FAM135A: variants seen among roughly 807,000 people sequenced by gnomAD.
The protein encoded by FAM135A is family with sequence similarity 135 member A.
FAM135A carries 79 observed loss-of-function variants against 146.8 expected under a neutral mutation model. That is an observed-to-expected ratio of 0.54 (90% confidence interval 0.45 to 0.65). The LOEUF (loss-of-function observed/expected upper bound fraction) is 0.65. FAM135A is among the 30% of genes least tolerant of loss of function. FAM135A has a pLI of 0.00. For missense variants in FAM135A, 1,623 were observed against 1,758.2 expected, an observed-to-expected ratio of 0.92 and a Z score of 1.38; for synonymous variants, 562 against 603.6, an observed-to-expected ratio of 0.93 and a Z score of 1.01.
chr6:70,434,618 T>C (rs1772529314), intron 4 of FAM135A, among the ~76,000 whole-genome samples: 1 of 152,228 alleles, frequency 6.6e-6, no homozygotes, highest in Non-Finnish European at 1.5e-5. Flanking sequence ...ATATTTGAAG[T>C]AGTACAGCTT....
rs771933243 is a variant in FAM135A at position 70,428,386 on chromosome 6, A to T, written c.44A>T (p.Asn15Ile). ...QAMVEFSVEL[N>I]KFYNVDLFQR... ...ATGGTAGAATTCTCTGTGGAGCTAA[A>T]CAAGTTCTACAATGTGGATTTGTTT... is the stretch of plus-strand genomic sequence containing the variant. The change falls in exon 4 of 22, where the codon AAC becomes ATC. Residue 15 changes from asparagine (N) to isoleucine (I), a missense_variant. Physicochemically the swap from Asn to Ile is moderately radical, Grantham distance 149. Transcript: ENST00000418814. The T allele has an allele frequency of 6.2e-7, 1 of 1,604,528 alleles. No homozygotes were observed. The highest frequency in any genetic ancestry group is 8.5e-7 in the Non-Finnish European group (1 of 1,175,720).
At chr6:70,505,873 G>A (rs1056914245) in intron 12 of FAM135A, among the ~76,000 whole-genome samples, 4 of 151,988 alleles carry the variant, frequency 2.6e-5, no homozygotes, top group African/African-American at 9.7e-5. Context: ...ATCAAATACT[G>A]TTGTTTTATA....
chr6:70,487,880 G>A (rs1003629778), intron 10 of FAM135A, among the ~76,000 whole-genome samples: 8 of 152,138 alleles, frequency 5.3e-5, no homozygotes, highest in Non-Finnish European at 1.5e-5. Context: ...GATCTTGGTT[G>A]AGTAGAAAAA....
intron 20 of FAM135A, among the ~76,000 whole-genome samples, chr6:70,556,470 C>T (rs905658524): frequency 1.3e-5 from 2 of 151,972 alleles, no homozygotes; most frequent in Non-Finnish European, 2.9e-5. Flanking sequence ...AACATTAGTC[C>T]ACATATTCTG....
chr6:70,538,427 A>G, intron 20 of FAM135A, 26 bp downstream of exon 20: 1 of 1,280,188 alleles, frequency 7.8e-7, no homozygotes, highest in South Asian at 2.2e-5. Context: ...CAGTTTGGAA[A>G]ATATACATGT....
chr6:70,519,693 A>G (rs761057060), intron 12 of FAM135A, among the ~76,000 whole-genome samples: 5 of 152,240 alleles, frequency 3.3e-5, no homozygotes, highest in African/African-American at 4.8e-5. Flanking sequence ...TTTTTAAAGT[A>G]TACACATTGG....
intron 10 of FAM135A, among the ~76,000 whole-genome samples, chr6:70,487,354 T>C (rs1215427416): frequency 6.6e-6 from 1 of 152,120 alleles, no homozygotes; most frequent in African/African-American, 2.4e-5. Context: ...TAATTTATTA[T>C]CTATGAGTAT....
chr6:70,434,686 G>A (rs1199202533), intron 4 of FAM135A, among the ~76,000 whole-genome samples: 2 of 152,140 alleles, frequency 1.3e-5, no homozygotes, highest in African/African-American at 4.8e-5. Flanking sequence ...TTGAAAAGCG[G>A]CAAATATTTA....
rs1199054275 is a variant in FAM135A at position 70,477,107 on chromosome 6, T to C, written c.369-52T>C. On this transcript the variant is annotated intron_variant, in intron 7 of 21. Coordinates refer to ENST00000418814, the MANE Select transcript of FAM135A (RefSeq NM_001162529.3). ...ATAGTTTCAACTACTTTATAATATATTGGCGTTTACTAAATGTTTCATACT... is the reference window on the plus strand; with the variant it reads ...ATAGTTTCAACTACTTTATAATATACTGGCGTTTACTAAATGTTTCATACT... 7.2e-6 allele frequency: 11 copies of C among 1,526,880 alleles called. 1 individual carries two copies. The Admixed American group carries it at 2.0e-4, about 28-fold the overall frequency. 94.6% of individuals were successfully genotyped at this position (1,526,880 alleles called of 1,614,324 possible).
At position 70,477,143 on chromosome 6, in the gene FAM135A, G is replaced by A; in HGVS notation, c.369-16G>A. The A allele has an allele frequency of 2.5e-6, 4 of 1,608,214 alleles. No homozygotes were observed. Among genetic ancestry groups the A allele is most frequent in the Non-Finnish European group, 3.4e-6 (4 of 1,177,090 alleles). ...TAAATGTTTCATACTTACATGCTAA[G>A]TGTTCCTTTTTACAGGGCAGATGAT... On this transcript the variant is annotated splice_polypyrimidine_tract_variant and intron_variant, in intron 7 of 21. Transcript: ENST00000418814.
chr6:70,460,865 A>G (rs954284715), intron 5 of FAM135A, among the ~76,000 whole-genome samples: 9 of 135,320 alleles, frequency 6.7e-5, no homozygotes, highest in Admixed American at 4.6e-4. Flanking sequence ...TTTTTTTTTT[A>G]AGTAGACTCT....
At chr6:70,527,534 T>G (rs1794996924) in intron 15 of FAM135A, among the ~76,000 whole-genome samples, 1 of 152,156 alleles carries the variant, frequency 6.6e-6, no homozygotes, top group South Asian at 2.1e-4. Flanking sequence ...TTACTTCAGA[T>G]TGTCTGAGTC....
In FAM135A at chr6:70,554,701, C is replaced by T. The variant is rs372515375; in HGVS notation, c.4229-2049C>T. ...GGAGTGCAGTGGCACAATATCAGCTCACTGCAACCTCCGCCTCCTGGGTTC... is the reference window on the plus strand; with the variant it reads ...GGAGTGCAGTGGCACAATATCAGCTTACTGCAACCTCCGCCTCCTGGGTTC... On this transcript the variant is annotated intron_variant, in intron 20 of 21. Transcript: ENST00000418814. 2.3e-4 allele frequency among the ~76,000 whole-genome samples: 35 copies of T among 152,282 alleles called. No homozygotes were observed. The East Asian group carries it at 2.3e-3, about 10-fold the overall frequency.
In FAM135A at chr6:70,523,136, A is replaced by G. The variant is rs1040335379; in HGVS notation, c.1103+550A>G. On this transcript the variant is annotated intron_variant, in intron 13 of 21. Transcript: ENST00000418814. ...ATACTGTATGATTCTACTTATATGA[A>G]GTTATAAACAAGCAAAAGCAAGATG... Among the ~76,000 whole-genome samples the G allele has an allele frequency of 3.7e-5, 5 of 136,578 alleles. No homozygotes were observed. The East Asian group carries it at 9.8e-4, about 27-fold the overall frequency. The allele number at this position is 136,578 out of a possible 152,430, so 89.6% of individuals were successfully genotyped here. A position where few individuals can be genotyped will look rare whatever the true frequency, so the allele number is the denominator to read the frequency against.
intron 5 of FAM135A, among the ~76,000 whole-genome samples, chr6:70,461,493 T>G (rs1779436102): frequency 3.9e-5 from 6 of 152,206 alleles, no homozygotes; most frequent in Admixed American, 3.9e-4. Context: ...TTTTCTGTGT[T>G]ATGTATAATT....
In FAM135A at chr6:70,426,485, A is replaced by G. The variant is rs1770180598; in HGVS notation, c.-87A>G. 1 of 152,202 alleles carries G rather than the reference A, an allele frequency of 6.6e-6. No individual in the cohort carries two copies. Among genetic ancestry groups the G allele is most frequent in the East Asian group, 1.9e-4 (1 of 5,194 alleles). The allele number at this position is 152,202 out of a possible 1,614,324, so 9.4% of individuals were successfully genotyped here. ...AACGGGAATCAGTAACTGGAAGTAC[A>G]AGATTGGTTATTTAATAATGTTAAA... On this transcript the variant is annotated 5_prime_UTR_variant, in exon 3 of 22. Transcript: ENST00000418814.
chr6:70,425,662 C>A (rs1012679093), intron 2 of FAM135A, among the ~76,000 whole-genome samples: 3 of 152,114 alleles, frequency 2.0e-5, no homozygotes, highest in African/African-American at 7.2e-5. Flanking sequence ...GGAAAACTAT[C>A]CATAGCACAT....
chr6:70,528,361 G>C lies in FAM135A; in HGVS notation c.3684G>C (p.Leu1228=), dbSNP rs1795124944. The C allele has an allele frequency of 6.2e-7, 1 of 1,613,610 alleles. No individual in the cohort carries two copies. Among genetic ancestry groups the C allele is most frequent in the African/African-American group, 1.3e-5 (1 of 74,888 alleles). The part of the protein sequence containing the change: ...LPGFMYSEVP[L]LASSVPYFSV... ...GGTTCATGTACAGTGAAGTTCCTCT[G>C]CTGGCATCCTCAGTACCTTATTTTA... Residue 1228 remains leucine, a synonymous_variant, in exon 16 of 22, where the codon CTG becomes CTC. Coordinates refer to ENST00000418814, the MANE Select transcript of FAM135A (RefSeq NM_001162529.3).
chr6:70,510,177 G>A (rs577657047), intron 12 of FAM135A, among the ~76,000 whole-genome samples: 7 of 142,574 alleles, frequency 4.9e-5, no homozygotes, highest in Non-Finnish European at 9.0e-5. Context: ...CAGCACCACC[G>A]AAGTAGAAGA....
Sources: allele counts gnomAD v4.1 joint callset (sites outside exome capture counted in the v4.1 genomes callset), GRCh38; gene constraint gnomAD v4.1.1; transcripts MANE v1.5; gene names NCBI Gene and HGNC (gene_info 2026-07-23, HGNC 2026-07-21).